The following PIK3C2B variants were observed in gnomAD, a reference collection of about 807,000 sequenced individuals.
The protein encoded by PIK3C2B is phosphatidylinositol 4-phosphate 3-kinase C2 domain-containing subunit beta.
Under a neutral mutation model 184.3 loss-of-function variants are expected in PIK3C2B, and 83 were observed. That is an observed-to-expected ratio of 0.45 (90% CI 0.38 to 0.54). The LOEUF (loss-of-function observed/expected upper bound fraction) is 0.54. Ranked by LOEUF, PIK3C2B falls within the 20% of genes least tolerant of loss-of-function variation. The pLI is 0.00. For missense variants in PIK3C2B, 1,736 were observed against 2,113.5 expected, an observed-to-expected ratio of 0.82 and a Z score of 3.50; for synonymous variants, 779 against 837.6, an observed-to-expected ratio of 0.93 and a Z score of 1.21.
chr1:204,431,979 GC>G (rs933630239), intron 27 of PIK3C2B, among the ~76,000 whole-genome samples, 186 bp from the exon 28 acceptor site: 1 of 152,144 alleles, frequency 6.6e-6, no homozygotes, highest in African/African-American at 2.4e-5. Context: ...CACATATGTT[GC>G]CAGGATCCTT....
chr1:204,446,584 C>T (rs972773316), intron 15 of PIK3C2B, among the ~76,000 whole-genome samples: 3 of 152,180 alleles, frequency 2.0e-5, no homozygotes, highest in Non-Finnish European at 2.9e-5. Flanking sequence ...TCCCCCAACA[C>T]CAGGGTCTGT....
intron 28 of PIK3C2B, 72 bp downstream of exon 28, chr1:204,431,597 G>A (rs1675060130): frequency 1.9e-6 from 3 of 1,585,910 alleles, no homozygotes; most frequent in Middle Eastern, 2.2e-4. Flanking sequence ...CTGCAGCCCT[G>A]ACCACCTCCC....
intron 5 of PIK3C2B, among the ~76,000 whole-genome samples, chr1:204,460,888 T>C (rs540642438): frequency 1.3e-5 from 2 of 152,240 alleles, no homozygotes; most frequent in Non-Finnish European, 2.9e-5. Context: ...CCTTGGCCGG[T>C]ATAAATATTG....
chr1:204,449,182 C>T lies in PIK3C2B; in HGVS notation c.2346+3G>A, dbSNP rs759405960. 5.6e-6 allele frequency: 9 copies of T among 1,596,576 alleles called. No individual in the cohort carries two copies. Among genetic ancestry groups the T allele is most frequent in the Middle Eastern group, 1.9e-4 (1 of 5,392 alleles). On this transcript the variant is annotated splice_donor_region_variant and intron_variant, in intron 14 of 32. Transcript: ENST00000684373. ...GACTGGGAGGGAAGGGCTAAAGCCT[C>T]ACCTGCAGGATGACACTGTCTGGCT...
chr1:204,487,845 G>C (rs2103539649), intron 1 of PIK3C2B, among the ~76,000 whole-genome samples: 1 of 152,164 alleles, frequency 6.6e-6, no homozygotes, highest in African/African-American at 2.4e-5. Flanking sequence ...CCATTTACCT[G>C]CATTTTGGGT....
chr1:204,436,607 G>A (rs1675358591), intron 23 of PIK3C2B, among the ~76,000 whole-genome samples: 1 of 152,200 alleles, frequency 6.6e-6, no homozygotes, highest in Admixed American at 6.5e-5. Context: ...GATTAAACAT[G>A]AACATGCAGA....
intron 3 of PIK3C2B, 149 bp downstream of exon 3, chr1:204,465,070 C>A: frequency 1.6e-6 from 1 of 644,346 alleles, no homozygotes; most frequent in Non-Finnish European, 2.8e-6. Flanking sequence ...ACCCTGCAGA[C>A]ACTTGTTGTA....
intron 3 of PIK3C2B, 86 bp downstream of exon 3, chr1:204,465,133 C>G (rs1655643222): frequency 1.3e-6 from 1 of 789,848 alleles, no homozygotes; most frequent in Non-Finnish European, 2.3e-6. Context: ...GTGCTTCTTC[C>G]CTCCTAAAGA....
At chr1:204,438,830 G>A in intron 23 of PIK3C2B, 105 bp downstream of exon 23, 5 of 1,305,912 alleles carry the variant, frequency 3.8e-6, no homozygotes, top group Non-Finnish European at 5.3e-6. Flanking sequence ...TGCCAACAAA[G>A]CTGAGCTGTC....
chr1:204,489,317 G>A (rs570598859), intron 1 of PIK3C2B, among the ~76,000 whole-genome samples: 12 of 151,882 alleles, frequency 7.9e-5, no homozygotes, highest in African/African-American at 2.7e-4. Flanking sequence ...ACAAGTGTGC[G>A]CCATCACACC....
At chr1:204,457,962 G>A in intron 8 of PIK3C2B, 88 bp from the exon 9 acceptor site, 1 of 1,206,014 alleles carries the variant, frequency 8.3e-7, no homozygotes, top group Non-Finnish European at 1.2e-6. Flanking sequence ...TTAAAGGAAA[G>A]GGTTGGGAAG....
intron 1 of PIK3C2B, among the ~76,000 whole-genome samples, chr1:204,478,868 A>C (rs1189328178): frequency 6.6e-6 from 1 of 152,218 alleles, no homozygotes; most frequent in Non-Finnish European, 1.5e-5. Context: ...CCTGTGGGAC[A>C]CAGCTACATA....
chr1:204,441,410 T>C, intron 21 of PIK3C2B, 61 bp downstream of exon 21: 1 of 1,090,154 alleles, frequency 9.2e-7, no homozygotes, highest in Non-Finnish European at 1.4e-6. Flanking sequence ...TTAATGCCAC[T>C]CTAGGCTGCC....
chr1:204,468,985 G>A lies in PIK3C2B; in HGVS notation c.818C>T (p.Pro273Leu), dbSNP rs61740701. ...LDFSKDTSGK[P>L]VARSKTMPPQ... ...GGGCATAGTCTTGCTCCTGGCCACG[G>A]GTTTTCCAGAGGTGTCTTTGCTGAA... Residue 273 changes from proline (P) to leucine (L), a missense_variant, in exon 2 of 33, where the codon CCC becomes CTC. Pro to Leu is a moderately conservative substitution (Grantham distance 98). Around this residue, in one of 8 missense-constraint regions of PIK3C2B, gnomAD observed 404 missense variants for 418.0 expected, o/e 0.97. Coordinates refer to ENST00000684373, the MANE Select transcript of PIK3C2B (RefSeq NM_001377334.1). 3 of 1,614,206 alleles carry A rather than the reference G, an allele frequency of 1.9e-6. No homozygotes were observed. The highest frequency in any genetic ancestry group is 1.3e-5 in the African/African-American group (1 of 75,052).
intron 17 of PIK3C2B, 24 bp downstream of exon 17, chr1:204,444,307 T>G: frequency 6.3e-7 from 1 of 1,593,476 alleles, no homozygotes; most frequent in Non-Finnish European, 8.6e-7. Flanking sequence ...CCAGCAAAAC[T>G]GGAGGGAGGA....
At chr1:204,479,511 A>G (rs1420456173) in intron 1 of PIK3C2B, among the ~76,000 whole-genome samples, 1 of 152,140 alleles carries the variant, frequency 6.6e-6, no homozygotes, top group Admixed American at 6.5e-5. Flanking sequence ...GAATTTCCAA[A>G]AAGCAACACC....
Position 204,433,391 on chromosome 1 carries a change from A to G in PIK3C2B, c.3878T>C (p.Leu1293Pro), listed in dbSNP as rs1406161283. 6.2e-7 allele frequency: 1 copy of G among 1,611,632 alleles called. No homozygotes were observed. Among genetic ancestry groups the G allele is most frequent in the South Asian group, 1.1e-5 (1 of 91,028 alleles). ...LSCGIPELSD[L>P]EDLKYVYDAL... ...ATCGTACACATACTTGAGGTCCTCCAGGTCTGAGAGTTCAGGGATCCCACA... is the reference window on the plus strand; with the variant it reads ...ATCGTACACATACTTGAGGTCCTCCGGGTCTGAGAGTTCAGGGATCCCACA... The change falls in exon 26 of 33, where the codon CTG (leucine) becomes CCG (proline). Residue 1293 changes from leucine (L) to proline (P), a missense_variant. This residue lies in a region of PIK3C2B where 119 missense variants were observed against 179.3 expected (regional missense o/e 0.66). Transcript: ENST00000684373. This position sits in a 1 kb window ranked among gnomAD's most constrained non-coding sequence, Gnocchi z 5.0.
chr1:204,431,904 G>T, intron 27 of PIK3C2B, 111 bp from the exon 28 acceptor site: 1 of 1,213,286 alleles, frequency 8.2e-7, no homozygotes, highest in Non-Finnish European at 1.2e-6. Context: ...GCACATTCCA[G>T]AAGGAAGAGA....
chr1:204,427,984 C>T lies in PIK3C2B; in HGVS notation c.4480+155G>A, dbSNP rs560823294. 2.6e-5 allele frequency among the ~76,000 whole-genome samples: 4 copies of T among 152,284 alleles called. 1 individual carries two copies. In the South Asian group the frequency reaches 8.3e-4, roughly 32 times the overall value. ...AACCCAGGTAAGGAACTATGGACCCCACGGCCTGAGTGGGAAACTAGATTT... is the reference window on the plus strand; with the variant it reads ...AACCCAGGTAAGGAACTATGGACCCTACGGCCTGAGTGGGAAACTAGATTT... On this transcript the variant is annotated intron_variant, in intron 30 of 32. Transcript: ENST00000684373.
Sources: allele counts gnomAD v4.1 joint callset (sites outside exome capture counted in the v4.1 genomes callset), GRCh38; gene constraint gnomAD v4.1.1; regional missense constraint gnomAD v4.1.1; non-coding constraint Gnocchi (gnomAD v3.1); transcripts MANE v1.5; gene names NCBI Gene and HGNC (gene_info 2026-07-23, HGNC 2026-07-21).